XRCC4: variants seen among roughly 807,000 people sequenced by gnomAD.
The protein encoded by XRCC4 is X-ray repair cross complementing 4.
Under a neutral mutation model 39.1 loss-of-function variants are expected in XRCC4, and 28 were observed. The ratio of observed to expected loss-of-function variants is 0.72; its 90% CI spans 0.53 to 0.98. XRCC4 has a LOEUF of 0.98. Ranked by LOEUF, XRCC4 falls within the 50% of genes least tolerant of loss-of-function variation. The probability of loss-of-function intolerance (pLI) is 0.00; values close to 1 mark genes in which losing one functional copy is unlikely to be tolerated. For missense variants in XRCC4, 350 were observed against 376.4 expected (o/e 0.93, Z 0.58); for synonymous variants, 123 against 126.4 (o/e 0.97, Z 0.18).
intron 7 of XRCC4, among the ~76,000 whole-genome samples, chr5:83,267,481 T>C (rs1354425688): frequency 2.6e-5 from 4 of 152,114 alleles, no homozygotes; most frequent in Non-Finnish European, 5.9e-5. Flanking sequence ...GCTAATGAGA[T>C]ATAAATGGAA....
chr5:83,323,021 G>A (rs531881546), intron 7 of XRCC4, among the ~76,000 whole-genome samples: 1 of 152,242 alleles, frequency 6.6e-6, no homozygotes, highest in Admixed American at 6.6e-5. Flanking sequence ...AGTACAGCAA[G>A]AGCCCTATTC....
At chr5:83,350,710 T>C (rs745459648) in intron 7 of XRCC4, among the ~76,000 whole-genome samples, 6 of 152,182 alleles carry the variant, frequency 3.9e-5, no homozygotes, top group Non-Finnish European at 8.8e-5. Flanking sequence ...TCCTATTCTG[T>C]AAGCTGACTC....
chr5:83,364,715 CG>C, the XRCC4 span, among the ~76,000 whole-genome samples: 1 of 152,206 alleles, frequency 6.6e-6, no homozygotes, highest in South Asian at 2.1e-4. Context: ...AAGAAAAACA[CG>C]GTTGAGTCTT....
At chr5:83,261,389 C>T (rs890291661) in intron 7 of XRCC4, among the ~76,000 whole-genome samples, 5 of 151,934 alleles carry the variant, frequency 3.3e-5, no homozygotes, top group African/African-American at 9.7e-5. Context: ...CACAAATAAA[C>T]GCAGATATGG....
intron 6 of XRCC4, among the ~76,000 whole-genome samples, chr5:83,234,997 A>G (rs1752632530): frequency 6.6e-6 from 1 of 150,712 alleles, no homozygotes; most frequent in South Asian, 2.1e-4. Context: ...TCGCATTAAT[A>G]TTATTATTAT....
chr5:83,352,193 T>C (rs1176564811), intron 7 of XRCC4, among the ~76,000 whole-genome samples: 1 of 152,164 alleles, frequency 6.6e-6, no homozygotes, highest in Non-Finnish European at 1.5e-5. Context: ...TCCCATGCTT[T>C]CTCAGCTATA....
intron 3 of XRCC4, among the ~76,000 whole-genome samples, chr5:83,172,209 C>A (rs1749758081): frequency 6.6e-6 from 1 of 152,086 alleles, no homozygotes; most frequent in Non-Finnish European, 1.5e-5. Context: ...GTCTTCTGAA[C>A]TACACTGAGA....
chr5:83,113,322 T>A (rs1319130043), intron 3 of XRCC4, among the ~76,000 whole-genome samples: 1 of 152,192 alleles, frequency 6.6e-6, no homozygotes, highest in East Asian at 1.9e-4. Context: ...TCCCACAACC[T>A]TGAGCAGCTC....
At chr5:83,080,260 C>G (rs1400798922) in intron 1 of XRCC4, among the ~76,000 whole-genome samples, 1 of 152,104 alleles carries the variant, frequency 6.6e-6, no homozygotes, top group Non-Finnish European at 1.5e-5. Flanking sequence ...GGTGCGGTGG[C>G]TCATGCCTGT....
rs1443769604 is a variant in XRCC4 at position 83,353,460 on chromosome 5, A to G, written c.*218A>G. 5.5e-6 allele frequency: 2 copies of G among 360,570 alleles called. No individual in the cohort carries two copies. The highest frequency in any genetic ancestry group is 1.0e-5 in the Non-Finnish European group (2 of 200,554). 22.3% of individuals were successfully genotyped at this position (360,570 alleles called of 1,614,324 possible). A position where few individuals can be genotyped will look rare whatever the true frequency, so the allele number is the denominator to read the frequency against. On this transcript the variant is annotated 3_prime_UTR_variant, in exon 8 of 8. Coordinates refer to ENST00000396027, the MANE Select transcript of XRCC4 (RefSeq NM_003401.5). ...GCACATTATTCTAAACTATTCATTC[A>G]GCATGCCTATAATTACATAAATTGT...
chr5:83,296,255 T>C (rs1755088600), intron 7 of XRCC4, among the ~76,000 whole-genome samples: 1 of 152,166 alleles, frequency 6.6e-6, no homozygotes, highest in African/African-American at 2.4e-5. Context: ...ACAGAGACAA[T>C]GTGTAAAATC....
At chr5:83,357,455 G>A (rs965114642), downstream of XRCC4, among the ~76,000 whole-genome samples, 1 of 152,120 alleles carries the variant, frequency 6.6e-6, no homozygotes, top group Non-Finnish European at 1.5e-5. Flanking sequence ...GAAATCGGGG[G>A]GGTTGGAGAG....
chr5:83,123,101 T>C (rs1388037240), intron 3 of XRCC4, among the ~76,000 whole-genome samples: 1 of 152,172 alleles, frequency 6.6e-6, no homozygotes, highest in African/African-American at 2.4e-5. Flanking sequence ...TTATTTTCTG[T>C]CTACTTCTTT....
At chr5:83,245,698 G>T (rs1753074107) in intron 6 of XRCC4, among the ~76,000 whole-genome samples, 1 of 151,980 alleles carries the variant, frequency 6.6e-6, no homozygotes, top group Admixed American at 6.6e-5. Context: ...AAGCAACTAT[G>T]TATAGTGTAA....
intron 6 of XRCC4, among the ~76,000 whole-genome samples, chr5:83,255,855 G>C (rs987384000): frequency 6.6e-6 from 1 of 152,038 alleles, no homozygotes; most frequent in Admixed American, 6.6e-5. Context: ...AGTTGTTCAG[G>C]GTTCATAGCT....
At chr5:83,187,400 AT>A (rs1214406570) in intron 3 of XRCC4, among the ~76,000 whole-genome samples, 2 of 152,218 alleles carry the variant, frequency 1.3e-5, no homozygotes, top group African/African-American at 4.8e-5. Flanking sequence ...CATCTCAAAG[AT>A]TATAACCTTA....
chr5:83,181,124 T>A (rs1750187050), intron 3 of XRCC4, among the ~76,000 whole-genome samples: 1 of 151,838 alleles, frequency 6.6e-6, no homozygotes, highest in Non-Finnish European at 1.5e-5. Flanking sequence ...TTCCTTTTTT[T>A]TTCAATTTTA....
At chr5:83,318,079 T>C (rs1460859432) in intron 7 of XRCC4, among the ~76,000 whole-genome samples, 2 of 143,888 alleles carry the variant, frequency 1.4e-5, no homozygotes, top group African/African-American at 2.9e-5. Flanking sequence ...TAATCCAGCA[T>C]ATAAACAGAG....
chr5:83,300,370 A>G (rs1026237684), intron 7 of XRCC4, among the ~76,000 whole-genome samples: 2 of 152,118 alleles, frequency 1.3e-5, no homozygotes, highest in Non-Finnish European at 2.9e-5. Context: ...AGATATTTTA[A>G]GCAGGAGATA....
Sources: gnomAD v4.1 joint callset for allele counts (sites outside exome capture counted in the v4.1 genomes callset) on GRCh38, gnomAD v4.1.1 for gene constraint, MANE v1.5 for transcripts, NCBI Gene and HGNC (gene_info 2026-07-23, HGNC 2026-07-21) for gene names.